The following JARID2 variants were observed in gnomAD, a reference collection of about 807,000 sequenced individuals.
JARID2 encodes the protein protein Jumonji.
JARID2 carries 21 observed loss-of-function variants against 125.6 expected under a neutral mutation model. The observed-to-expected ratio is 0.17, with a 90% CI of 0.12 to 0.24. JARID2 has a LOEUF of 0.24. JARID2 is among the 10% of genes least tolerant of loss of function. The pLI is 1.00. For synonymous variants in JARID2, 736 were observed against 661.6 expected, an observed-to-expected ratio of 1.11 and a Z score of -1.73; for missense variants, 1,303 against 1,639.6, an observed-to-expected ratio of 0.79 and a Z score of 3.55.
At chr6:15,453,877 G>A (rs1328534781) in intron 4 of JARID2, among the ~76,000 whole-genome samples, 1 of 152,118 alleles carries the variant, frequency 6.6e-6, no homozygotes, top group African/African-American at 2.4e-5. Flanking sequence ...TCTTCAAGGA[G>A]CACTGCTTTC....
At chr6:15,461,027 TTTC>T (rs1215623402) in intron 4 of JARID2, among the ~76,000 whole-genome samples, 6 of 152,202 alleles carry the variant, frequency 3.9e-5, no homozygotes, top group Non-Finnish European at 7.3e-5. Flanking sequence ...TTCTTACTGG[TTTC>T]TTCTTCTCCA....
Position 15,512,297 on chromosome 6 carries a change from C to A in JARID2, c.3042C>A (p.Ser1014=), listed in dbSNP as rs1456690246. The change falls in exon 14 of 18, where the codon TCC becomes TCA. Residue 1014 remains serine, a synonymous_variant. Coordinates refer to ENST00000341776, the MANE Select transcript of JARID2 (RefSeq NM_004973.4). ...AGTTTGTCGTCTGCTTCCCGGGATCCTTTGTGTCCAAAGTGTGCTGTGGGT... is the reference window on the plus strand; with the variant it reads ...AGTTTGTCGTCTGCTTCCCGGGATCATTTGTGTCCAAAGTGTGCTGTGGGT... ...SGQFVVCFPG[S]FVSKVCCGYS... is the part of the protein sequence containing the mutation. 6.2e-7 allele frequency: 1 copy of A among 1,614,146 alleles called. No homozygotes were observed. Among genetic ancestry groups the A allele is most frequent in the Admixed American group, 1.7e-5 (1 of 60,022 alleles).
intron 5 of JARID2, among the ~76,000 whole-genome samples, chr6:15,479,722 G>A (rs1244562489): frequency 6.6e-6 from 1 of 152,208 alleles, no homozygotes; most frequent in African/African-American, 2.4e-5. Context: ...CCAGGTTGAC[G>A]TTTGTTCCCT....
intron 1 of JARID2, among the ~76,000 whole-genome samples, chr6:15,270,455 C>T (rs548085629): frequency 1.3e-5 from 2 of 152,244 alleles, no homozygotes; most frequent in South Asian, 4.1e-4. Flanking sequence ...TCTTGGTCTT[C>T]ATGTATTTGA....
At chr6:15,283,642 A>AGCCCCTTAACATGTGATTTTTGCCTTT (rs1760873368) in intron 1 of JARID2, among the ~76,000 whole-genome samples, 1 of 140,282 alleles carries the variant, frequency 7.1e-6, no homozygotes, top group Non-Finnish European at 1.6e-5. Flanking sequence ...GTGCCCGGCC[A>AGCCCCTTAACATGTGATTTTTGCCTTT]TTCTGATATT....
intron 4 of JARID2, among the ~76,000 whole-genome samples, chr6:15,466,894 C>G (rs1012752103): frequency 6.6e-6 from 1 of 152,218 alleles, no homozygotes; most frequent in Non-Finnish European, 1.5e-5. Flanking sequence ...TAAGAACCTT[C>G]TTTCTGTCCA....
intron 1 of JARID2, among the ~76,000 whole-genome samples, chr6:15,294,597 C>T (rs1435252218): frequency 8.5e-5 from 13 of 152,108 alleles, no homozygotes; most frequent in Admixed American, 7.9e-4. Context: ...GGGCCCAGTG[C>T]AGTGTTGTGT....
chr6:15,355,829 T>A (rs185430420), intron 1 of JARID2, among the ~76,000 whole-genome samples: 1 of 152,360 alleles, frequency 6.6e-6, no homozygotes, highest in African/African-American at 2.4e-5. Context: ...CAGGCTGGTC[T>A]CAAACTCCTG....
At chr6:15,354,268 G>A (rs1049435902) in intron 1 of JARID2, among the ~76,000 whole-genome samples, 2 of 152,198 alleles carry the variant, frequency 1.3e-5, no homozygotes, top group African/African-American at 2.4e-5. Context: ...CACAAGCCAT[G>A]GCATATTAGC....
intron 3 of JARID2, among the ~76,000 whole-genome samples, chr6:15,425,518 CTT>C: frequency 6.6e-6 from 1 of 152,266 alleles, no homozygotes; most frequent in Non-Finnish European, 1.5e-5. Flanking sequence ...GCTGCACCCT[CTT>C]GAGTGGATTA....
Position 15,320,651 on chromosome 6 carries a change from C to T in JARID2, c.46-53466C>T, listed in dbSNP as rs1204746441. Among the ~76,000 whole-genome samples the T allele has an allele frequency of 2.6e-5, 4 of 152,152 alleles. No homozygotes were observed. In the East Asian group the frequency reaches 7.7e-4, roughly 29 times the overall value. On this transcript the variant is annotated intron_variant, in intron 1 of 17. Coordinates refer to ENST00000341776, the MANE Select transcript of JARID2 (RefSeq NM_004973.4). ...AATGACCCAAATGTTTCCTTCTTAT[C>T]TAATCAGGGATCCTTCTTTAGTAGC...
chr6:15,375,706 A>C (rs1764327041), intron 2 of JARID2, among the ~76,000 whole-genome samples: 1 of 152,188 alleles, frequency 6.6e-6, no homozygotes, highest in Admixed American at 6.5e-5. Flanking sequence ...TTCACGTTGA[A>C]CGTAGCATCT....
intron 5 of JARID2, among the ~76,000 whole-genome samples, chr6:15,472,197 C>T (rs1243426915): frequency 6.6e-6 from 1 of 151,642 alleles, no homozygotes; most frequent in Non-Finnish European, 1.5e-5. Flanking sequence ...TGGGTAAGCA[C>T]CGACACACCC....
At chr6:15,471,098 G>A (rs566871304) in intron 5 of JARID2, among the ~76,000 whole-genome samples, 57 of 152,358 alleles carry the variant, frequency 3.7e-4, no homozygotes, top group African/African-American at 1.3e-3. Context: ...AGAAGCTACA[G>A]TGGCATAGCT....
chr6:15,344,144 G>T (rs546631014), intron 1 of JARID2, among the ~76,000 whole-genome samples: 4 of 137,834 alleles, frequency 2.9e-5, no homozygotes, highest in Admixed American at 7.9e-5. Flanking sequence ...AATTTCCAAG[G>T]GTGGCTGTGA....
rs755075023 is a variant in JARID2 at position 15,496,524 on chromosome 6, G to T, written c.1299G>T (p.Leu433=). The T allele has an allele frequency of 3.7e-6, 6 of 1,605,690 alleles. No homozygotes were observed. The highest frequency in any genetic ancestry group is 4.2e-6 in the Non-Finnish European group (5 of 1,176,790). The stretch of plus-strand genomic sequence containing the variant: ...GGCAGCTGCGGGAGGGCCTGCAGCT[G>T]CGGGAGGGGCTGCGGAACTCCAAGA... The part of the protein sequence containing the change: ...GGRQLREGLQ[L]REGLRNSKRR... The change falls in exon 7 of 18, where the codon CTG becomes CTT. Residue 433 remains leucine, a synonymous_variant. Coordinates refer to ENST00000341776, the MANE Select transcript of JARID2 (RefSeq NM_004973.4).
intron 1 of JARID2, among the ~76,000 whole-genome samples, chr6:15,331,789 C>T (rs1416617719): frequency 6.6e-6 from 1 of 152,158 alleles, no homozygotes; most frequent in African/African-American, 2.4e-5. Flanking sequence ...CATTGCACTC[C>T]AGCCTGGGCA....
At chr6:15,280,422 T>C (rs2127374039) in intron 1 of JARID2, among the ~76,000 whole-genome samples, 1 of 152,282 alleles carries the variant, frequency 6.6e-6, no homozygotes, top group Non-Finnish European at 1.5e-5. Flanking sequence ...TTCCTCCTCC[T>C]GCATTAAAAA....
chr6:15,246,195 G>A lies in JARID2; in HGVS notation c.-345G>A. The A allele has an allele frequency of 2.2e-6, 1 of 459,072 alleles. No homozygotes were observed. The highest frequency in any genetic ancestry group is 3.5e-5 in the East Asian group (1 of 28,950). The allele number at this position is 459,072 out of a possible 1,614,324, so 28.4% of individuals were successfully genotyped here. A position where few individuals can be genotyped will look rare whatever the true frequency, so the allele number is the denominator to read the frequency against. ...CAGACACTAAGGACCTTCACGTTTC[G>A]CTGATGTAGTTTTTGGAGGAAAAAG... On this transcript the variant is annotated 5_prime_UTR_variant, in exon 1 of 18. Coordinates refer to ENST00000341776, the MANE Select transcript of JARID2 (RefSeq NM_004973.4).
Sources: gnomAD v4.1 joint callset for allele counts (sites outside exome capture counted in the v4.1 genomes callset) on GRCh38, gnomAD v4.1.1 for gene constraint, MANE v1.5 for transcripts, NCBI Gene and HGNC (gene_info 2026-07-23, HGNC 2026-07-21) for gene names.